KCNH1: variants seen among roughly 807,000 people sequenced by gnomAD.
KCNH1 encodes potassium voltage-gated channel subfamily H member 1.
Under a neutral mutation model 69.2 loss-of-function variants are expected in KCNH1, and 27 were observed. The ratio of observed to expected loss-of-function variants is 0.39; its 90% CI spans 0.29 to 0.54. The LOEUF (loss-of-function observed/expected upper bound fraction) is 0.54. KCNH1 is among the 20% of genes least tolerant of loss of function. The pLI, the probability that KCNH1 is intolerant of heterozygous loss-of-function variation, is 0.68. For missense variants in KCNH1, 798 were observed against 1,261.6 expected (o/e 0.63, Z 5.57); for synonymous variants, 456 against 487.7 (o/e 0.93, Z 0.86).
At chr1:210,815,884 C>A (rs904242036) in intron 7 of KCNH1, among the ~76,000 whole-genome samples, 5 of 152,172 alleles carry the variant, frequency 3.3e-5, no homozygotes, top group Admixed American at 2.0e-4. Flanking sequence ...CACACAGATC[C>A]CACACCCTTG....
chr1:210,965,551 T>A (rs1190494668), intron 6 of KCNH1, among the ~76,000 whole-genome samples: 2 of 151,028 alleles, frequency 1.3e-5, no homozygotes, highest in African/African-American at 2.4e-5. Context: ...GGAGGCATCA[T>A]ACTACCTGAC....
intron 6 of KCNH1, among the ~76,000 whole-genome samples, chr1:210,986,600 TG>T (rs1688840511): frequency 6.6e-6 from 1 of 152,324 alleles, no homozygotes; most frequent in East Asian, 1.9e-4. Flanking sequence ...TTAAGAATGT[TG>T]AATATCAGCC....
rs145684730 is a variant in KCNH1, at chr1:210,962,442, A to T, written c.1033-42373T>A. Among the ~76,000 whole-genome samples the T allele has an allele frequency of 2.9e-3, 447 of 152,256 alleles. 3 individuals are homozygous for T. The highest frequency in any genetic ancestry group is 5.4e-3 in the Non-Finnish European group (366 of 68,008). ...ATCTCTCCATTTTTAACAAATGTAC[A>T]GATCCTTAAATAATGTTATTTAGTT... On this transcript the variant is annotated intron_variant, in intron 6 of 10. Transcript: ENST00000271751.
At chr1:210,789,592 C>T (rs1347794420) in intron 9 of KCNH1, among the ~76,000 whole-genome samples, 2 of 152,030 alleles carry the variant, frequency 1.3e-5, no homozygotes, top group Admixed American at 6.5e-5. Context: ...AATGTTGACT[C>T]TCTCAATACC....
At chr1:211,030,513 A>G (rs1376941654) in intron 5 of KCNH1, among the ~76,000 whole-genome samples, 1 of 152,232 alleles carries the variant, frequency 6.6e-6, no homozygotes, top group Non-Finnish European at 1.5e-5. Context: ...CAGGAAAGAC[A>G]GCCTTTTTAA....
chr1:210,735,417 AGTGAGTGTGTGTGTGTGTGTGT>A (rs1251621710), intron 10 of KCNH1, among the ~76,000 whole-genome samples: 9 of 115,968 alleles, frequency 7.8e-5, no homozygotes, highest in Non-Finnish European at 1.5e-4. Context: ...TGAATGAGTG[AGTGAGTGTGTGTGTGTGTGTGT>A]GTGTGTGTGT....
chr1:210,695,167 C>G (rs1448526491), intron 10 of KCNH1, among the ~76,000 whole-genome samples: 3 of 152,232 alleles, frequency 2.0e-5, no homozygotes, highest in African/African-American at 4.8e-5. Context: ...CATGACGCCA[C>G]TCTCCTAATG....
At chr1:210,860,308 G>T in intron 7 of KCNH1, 1 of 1,343,674 alleles carries the variant, frequency 7.4e-7, no homozygotes, top group Non-Finnish European at 1.1e-6. Flanking sequence ...CAGGCTATGC[G>T]CTAAAGAGAT....
At chr1:210,969,525 A>C (rs183189709) in intron 6 of KCNH1, among the ~76,000 whole-genome samples, 2 of 151,974 alleles carry the variant, frequency 1.3e-5, no homozygotes, top group Admixed American at 1.3e-4. Context: ...CTCCCCTAGG[A>C]ATTTTATTAT....
intron 6 of KCNH1, among the ~76,000 whole-genome samples, chr1:210,951,666 T>A (rs1001340486): frequency 1.3e-5 from 2 of 152,190 alleles, no homozygotes; most frequent in Admixed American, 6.5e-5. Flanking sequence ...ATTATGCTTT[T>A]TCTGTAATGG....
At chr1:210,719,809 C>CATTG (rs1320385085) in intron 10 of KCNH1, among the ~76,000 whole-genome samples, 1 of 152,126 alleles carries the variant, frequency 6.6e-6, no homozygotes, top group East Asian at 1.9e-4. Context: ...TCTTGGTGAA[C>CATTG]ATTGATTGCT....
intron 6 of KCNH1, among the ~76,000 whole-genome samples, chr1:210,938,847 G>A (rs1687828160): frequency 6.6e-6 from 1 of 152,168 alleles, no homozygotes; most frequent in South Asian, 2.1e-4. Flanking sequence ...GTGTGGATTT[G>A]ACCTTATCTC....
intron 7 of KCNH1, among the ~76,000 whole-genome samples, chr1:210,824,745 A>G (rs539659682): frequency 2.6e-5 from 4 of 152,286 alleles, no homozygotes; most frequent in African/African-American, 9.6e-5. Context: ...ATAATACCTT[A>G]CAGTTTAGTT....
At chr1:210,975,809 A>C (rs1688596849) in intron 6 of KCNH1, among the ~76,000 whole-genome samples, 2 of 152,240 alleles carry the variant, frequency 1.3e-5, no homozygotes, top group South Asian at 4.1e-4. Flanking sequence ...CAGAGTGAAC[A>C]GGCAACCTAC....
chr1:210,984,574 G>A (rs528954953), intron 6 of KCNH1, among the ~76,000 whole-genome samples: 32 of 152,140 alleles, frequency 2.1e-4, no homozygotes, highest in African/African-American at 7.5e-4. Flanking sequence ...GCTGGATTAC[G>A]TTTTTTGATT....
intron 7 of KCNH1, among the ~76,000 whole-genome samples, chr1:210,899,594 A>C (rs1686952500): frequency 6.6e-6 from 1 of 152,136 alleles, no homozygotes; most frequent in African/African-American, 2.4e-5. Context: ...TCTTGAGACC[A>C]AAAAAATGAG....
At chr1:210,957,280 A>T (rs1038916475) in intron 6 of KCNH1, among the ~76,000 whole-genome samples, 5 of 152,280 alleles carry the variant, frequency 3.3e-5, no homozygotes, top group African/African-American at 9.6e-5. Flanking sequence ...TCTGAGACAC[A>T]GTTTGTTGTG....
At chr1:211,055,232 G>A (rs1291536881) in intron 5 of KCNH1, among the ~76,000 whole-genome samples, 3 of 152,224 alleles carry the variant, frequency 2.0e-5, no homozygotes, top group Admixed American at 2.0e-4. Flanking sequence ...ACTTGGCATG[G>A]AGAGAGAATC....
intron 9 of KCNH1, among the ~76,000 whole-genome samples, chr1:210,795,382 AG>A: frequency 6.6e-6 from 1 of 152,130 alleles, no homozygotes; most frequent in East Asian, 1.9e-4. Flanking sequence ...CGTGGACCCA[AG>A]AGATCCACCC....
Sources: gnomAD v4.1 joint callset for allele counts (sites outside exome capture counted in the v4.1 genomes callset) on GRCh38, gnomAD v4.1.1 for gene constraint, MANE v1.5 for transcripts, NCBI Gene and HGNC (gene_info 2026-07-23, HGNC 2026-07-21) for gene names.